Variants in PTCH1 observed in about 807,000 individuals in gnomAD.
PTCH1 encodes patched 1.
In PTCH1, 14 loss-of-function variants were observed where a neutral mutation model predicts 144.6. That is an observed-to-expected ratio of 0.10 (90% CI 0.06 to 0.15). PTCH1 has a LOEUF of 0.15. PTCH1 is among the 10% of genes least tolerant of loss of function. The pLI is 1.00. For missense variants in PTCH1, 1,623 were observed against 1,948.3 expected (o/e 0.83, Z 3.14); for synonymous variants, 833 against 793.6 (o/e 1.05, Z -0.83).
Position 95,508,204 on chromosome 9 carries a change from G to A in PTCH1, c.158C>T (p.Pro53Leu), listed in dbSNP as rs372546614. Residue 53 changes from proline to leucine, a missense_variant, in exon 1 of 24, where the codon CCC becomes CTC. Physicochemically the swap from Pro to Leu is moderately conservative, Grantham distance 98. Transcript: ENST00000331920. ...AGCGAAGGCGGCGTCGCAGTAGCTG[G>A]GCCGGTGCAGATAGTCCCGGTCCGG... Reference protein sequence around the residue: ...AAPDRDYLHRPSYCDAAFALE... With the variant: ...AAPDRDYLHRLSYCDAAFALE... 4 of 1,612,442 alleles carry A rather than the reference G, an allele frequency of 2.5e-6. No individual in the cohort carries two copies. Among genetic ancestry groups the A allele is most frequent in the Admixed American group, 1.7e-5 (1 of 60,012 alleles).
intron 7 of PTCH1, among the ~76,000 whole-genome samples, chr9:95,479,397 TCA>T (rs1163257578): frequency 1.3e-5 from 2 of 152,228 alleles, no homozygotes; most frequent in African/African-American, 4.8e-5. Flanking sequence ...CAATTTCCTT[TCA>T]CAGTTTCCAT....
chr9:95,516,704 G>A (rs1367067795), exon 1 of PTCH1: 1 of 1,611,310 alleles, frequency 6.2e-7, no homozygotes, highest in Non-Finnish European at 8.5e-7. Flanking sequence ...CTCCTCCTCC[G>A]TCTTTACAAA....
intron 4 of PTCH1, 34 bp from the exon 5 acceptor site, chr9:95,482,074 G>A (rs1217550836): frequency 6.2e-7 from 1 of 1,610,522 alleles, no homozygotes; most frequent in Non-Finnish European, 8.5e-7. Context: ...CCATGCGTTA[G>A]GTTAAGGCAC....
rs557859026 is a variant in PTCH1 at position 95,516,614 on chromosome 9, C to G, written c.-143G>C. On this transcript the variant is annotated 5_prime_UTR_variant, in exon 1 of 23. Coordinates refer to the PTCH1 transcript ENST00000430669. ...GTCTTCTCCCAGTCTTCCCTCGTCT[C>G]CCCCTTGCCTTGTCGCTGCGGGTCT... is the stretch of plus-strand genomic sequence containing the variant. The G allele has an allele frequency of 6.8e-6, 11 of 1,606,828 alleles. No homozygotes were observed. The highest frequency in any genetic ancestry group is 1.7e-4 in the Middle Eastern group (1 of 6,028).
At chr9:95,496,594 CA>C (rs993835265) in intron 2 of PTCH1, among the ~76,000 whole-genome samples, 4 of 150,098 alleles carry the variant, frequency 2.7e-5, no homozygotes, top group Non-Finnish European at 5.9e-5. Flanking sequence ...CTAGAAAGAG[CA>C]GTTAATAGAT....
intron 12 of PTCH1, among the ~76,000 whole-genome samples, chr9:95,474,364 C>T (rs1025744344): frequency 6.6e-6 from 1 of 152,084 alleles, no homozygotes; most frequent in Non-Finnish European, 1.5e-5. Context: ...TGAGCAGACA[C>T]ACACCTGCGC....
chr9:95,498,483 A>G (rs1842931512), intron 2 of PTCH1, among the ~76,000 whole-genome samples: 2 of 152,128 alleles, frequency 1.3e-5, no homozygotes, highest in Non-Finnish European at 2.9e-5. Context: ...CTAAACCCCA[A>G]ATGGAACAGT....
chr9:95,469,206 C>T (rs1588576080), intron 13 of PTCH1, 53 bp from the exon 14 acceptor site: 1 of 1,608,374 alleles, frequency 6.2e-7, no homozygotes, highest in East Asian at 2.2e-5. Context: ...GGAAATGGTG[C>T]TTTCATTCTG....
chr9:95,500,077 T>C (rs1014605444), intron 2 of PTCH1, among the ~76,000 whole-genome samples: 1 of 152,318 alleles, frequency 6.6e-6, no homozygotes, highest in South Asian at 2.1e-4. Flanking sequence ...AAATCTCCCA[T>C]GGCTTGTCCA....
chr9:95,464,226 C>T (rs1839798381), intron 15 of PTCH1, among the ~76,000 whole-genome samples: 1 of 152,122 alleles, frequency 6.6e-6, no homozygotes, highest in Non-Finnish European at 1.5e-5. Flanking sequence ...GACTAATCAC[C>T]AAAAAGCTCA....
chr9:95,453,381 C>A (rs546535855), intron 20 of PTCH1, 97 bp downstream of exon 20: 1 of 1,568,102 alleles, frequency 6.4e-7, no homozygotes, highest in East Asian at 2.3e-5. Context: ...CCACCCGCCT[C>A]GGCCTCCTAA....
At chr9:95,506,632 C>G in intron 1 of PTCH1, 33 bp from the exon 2 acceptor site, 2 of 1,508,816 alleles carry the variant, frequency 1.3e-6, no homozygotes, top group Middle Eastern at 2.1e-4. Flanking sequence ...GAGTGAGCGC[C>G]GGGGAGTCGC....
chr9:95,468,650 T>A, intron 14 of PTCH1, 101 bp downstream of exon 14: 2 of 1,506,572 alleles, frequency 1.3e-6, no homozygotes, highest in South Asian at 2.4e-5. Context: ...AAATTTTTTT[T>A]TTTTTAAGGA....
chr9:95,494,626 T>C (rs2118708190), intron 2 of PTCH1, among the ~76,000 whole-genome samples: 1 of 152,310 alleles, frequency 6.6e-6, no homozygotes, highest in East Asian at 1.9e-4. Flanking sequence ...CCCGTCGCTC[T>C]GCAGGAAGTG....
chr9:95,489,649 T>C (rs1842230169), intron 2 of PTCH1, among the ~76,000 whole-genome samples: 2 of 151,172 alleles, frequency 1.3e-5, no homozygotes. Context: ...TTTTCCACTG[T>C]CAGGATCAAA....
chr9:95,462,878 C>T (rs565438924), intron 15 of PTCH1, among the ~76,000 whole-genome samples: 2 of 152,304 alleles, frequency 1.3e-5, no homozygotes, highest in African/African-American at 4.8e-5. Context: ...ACAGACCTGA[C>T]GGTTTGGCTG....
Position 95,490,044 on chromosome 9 carries a change from C to T in PTCH1, c.395-4170G>A, listed in dbSNP as rs560168776. Among the ~76,000 whole-genome samples the T allele has an allele frequency of 1.7e-3, 255 of 151,700 alleles. 1 individual carries two copies. The highest frequency in any genetic ancestry group is 5.4e-3 in the African/African-American group (222 of 41,444). The stretch of plus-strand genomic sequence containing the variant: ...GTCTCGATCTCCTGACCTTGTGATC[C>T]GCCCACCTCGGCCTCCCAAAGTGCT... On this transcript the variant is annotated intron_variant, in intron 2 of 23. Transcript: ENST00000331920.
intron 18 of PTCH1, among the ~76,000 whole-genome samples, chr9:95,456,736 T>C (rs976071906): frequency 8.5e-5 from 13 of 152,162 alleles, no homozygotes; most frequent in African/African-American, 3.1e-4. Flanking sequence ...TGCACAAGCA[T>C]GGCCGCATCA....
chr9:95,512,473 TAAGA>T (rs1441285131), upstream of PTCH1, among the ~76,000 whole-genome samples: 2 of 151,534 alleles, frequency 1.3e-5, no homozygotes, highest in Admixed American at 6.6e-5. Context: ...TGTAACGTTT[TAAGA>T]AAGGGAAGAG....
Sources: allele counts gnomAD v4.1 joint callset (sites outside exome capture counted in the v4.1 genomes callset), GRCh38; gene constraint gnomAD v4.1.1; transcripts MANE v1.5; gene names NCBI Gene and HGNC (gene_info 2026-07-23, HGNC 2026-07-21).